The following RYR2 variants were observed in gnomAD, a reference collection of about 807,000 sequenced individuals.
RYR2 encodes the protein ryanodine receptor 2.
Under a neutral mutation model 601.1 loss-of-function variants are expected in RYR2, and 227 were observed. That is an observed-to-expected ratio of 0.38 (90% CI 0.34 to 0.42). The LOEUF is 0.42. Ranked by LOEUF, RYR2 falls within the 10% of genes least tolerant of loss-of-function variation. The pLI is 1.00. For synonymous variants in RYR2, 2,223 were observed against 2,175.1 expected (o/e 1.02, Z -0.61); for missense variants, 4,646 against 6,156.5 (o/e 0.75, Z 8.21).
chr1:237,479,518 A>T lies in RYR2; in HGVS notation c.1708+10331A>T, dbSNP rs1572514880. 2.1e-5 allele frequency among the ~76,000 whole-genome samples: 2 copies of T among 96,254 alleles called. 1 individual carries two copies. Among genetic ancestry groups the T allele is most frequent in the Admixed American group, 1.8e-4 (2 of 11,280 alleles). 63.1% of individuals were successfully genotyped at this position (96,254 alleles called of 152,430 possible). On this transcript the variant is annotated intron_variant, in intron 17 of 104. Transcript: ENST00000366574. Reference sequence around the variant, plus strand: ...CTATGCTCAGTTTACATTTCTGCCCAAAATGATAGCTCTCAATAAATATTT... The same window carrying T: ...CTATGCTCAGTTTACATTTCTGCCCTAAATGATAGCTCTCAATAAATATTT...
At chr1:237,709,890 G>T (rs941870412) in intron 70 of RYR2, among the ~76,000 whole-genome samples, 1 of 152,062 alleles carries the variant, frequency 6.6e-6, no homozygotes, top group Non-Finnish European at 1.5e-5. Context: ...AGTTTGAGAC[G>T]TGCTTAAATA....
chr1:237,562,688 T>C (rs1671575337), intron 27 of RYR2, among the ~76,000 whole-genome samples: 1 of 152,240 alleles, frequency 6.6e-6, no homozygotes. Context: ...ATTATTATTA[T>C]ATTCATTATA....
intron 39 of RYR2, among the ~76,000 whole-genome samples, chr1:237,624,738 T>C (rs879359441): frequency 1.2e-4 from 19 of 152,222 alleles, no homozygotes; most frequent in Non-Finnish European, 1.9e-4. Context: ...TTAGGTATTC[T>C]GGACGTGTGT....
At chr1:237,739,378 G>A (rs1053860377) in intron 79 of RYR2, among the ~76,000 whole-genome samples, 4 of 152,102 alleles carry the variant, frequency 2.6e-5, no homozygotes, top group Admixed American at 6.5e-5. Context: ...TACCCTGCTC[G>A]ATTCCTTAGA....
chr1:237,598,081 A>G (rs138717055), intron 34 of RYR2, among the ~76,000 whole-genome samples: 1 of 152,374 alleles, frequency 6.6e-6, no homozygotes, highest in Non-Finnish European at 1.5e-5. Flanking sequence ...GAGTCAAAGA[A>G]GGTCATTAAT....
At chr1:237,601,465 C>T (rs889789211) in intron 34 of RYR2, among the ~76,000 whole-genome samples, 1 of 151,972 alleles carries the variant, frequency 6.6e-6, no homozygotes, top group Non-Finnish European at 1.5e-5. Context: ...GAGCAGATAC[C>T]CAATGGGTAT....
chr1:237,813,752 A>T (rs998146465), intron 100 of RYR2, among the ~76,000 whole-genome samples: 5 of 152,068 alleles, frequency 3.3e-5, no homozygotes, highest in Non-Finnish European at 5.9e-5. Flanking sequence ...TAGAGCCTAG[A>T]TTTTTTTCAG....
intron 12 of RYR2, among the ~76,000 whole-genome samples, chr1:237,425,774 C>T (rs1043598726): frequency 1.3e-5 from 2 of 151,946 alleles, no homozygotes. Context: ...GTCTTGTTGT[C>T]TTAGGGGTGG....
At chr1:237,529,760 T>TACACACAC (rs71561882) in intron 24 of RYR2, among the ~76,000 whole-genome samples, 8,413 of 134,438 alleles carry the variant, frequency 0.063, 337 homozygotes, top group East Asian at 0.082. Flanking sequence ...AATAATATCA[T>TACACACAC]ACACACACAC....
intron 64 of RYR2, 59 bp from the exon 65 acceptor site, chr1:237,700,170 C>T (rs961185974): frequency 9.6e-6 from 10 of 1,040,812 alleles, no homozygotes; most frequent in Non-Finnish European, 1.4e-5. Flanking sequence ...AACCACAATT[C>T]ATTTATATTT....
chr1:237,654,660 A>G (rs1166843805), intron 52 of RYR2, among the ~76,000 whole-genome samples: 1 of 152,226 alleles, frequency 6.6e-6, no homozygotes, highest in Non-Finnish European at 1.5e-5. Context: ...TAAGCAGTTC[A>G]GGAAATTATG....
At chr1:237,550,387 G>T (rs13373910) in intron 26 of RYR2, among the ~76,000 whole-genome samples, 157 bp from the exon 27 acceptor site, 1 of 152,076 alleles carries the variant, frequency 6.6e-6, no homozygotes, top group African/African-American at 2.4e-5. Flanking sequence ...CCTGTATATT[G>T]ATAGTGTTTT....
chr1:237,822,431 G>A (rs562803494), intron 101 of RYR2, among the ~76,000 whole-genome samples: 1 of 152,276 alleles, frequency 6.6e-6, no homozygotes, highest in African/African-American at 2.4e-5. Flanking sequence ...GCCAAACTAA[G>A]CTTCAAAAGC....
chr1:237,776,824 C>A (rs149132078), intron 87 of RYR2, among the ~76,000 whole-genome samples: 2 of 152,066 alleles, frequency 1.3e-5, no homozygotes, highest in African/African-American at 4.8e-5. Flanking sequence ...ATCTAACGTG[C>A]GAGCCTGGCC....
intron 4 of RYR2, among the ~76,000 whole-genome samples, chr1:237,358,695 G>A (rs1699514276): frequency 1.3e-5 from 2 of 151,954 alleles, no homozygotes; most frequent in South Asian, 4.2e-4. Flanking sequence ...CTTGTTGGCA[G>A]TGTGGTCACT....
Position 237,481,829 on chromosome 1 carries a change from AAAAAAAC to A in RYR2, c.1709-9976_1709-9970del, listed in dbSNP as rs1439923082. Among the ~76,000 whole-genome samples, 899 of 149,816 alleles carry A rather than the reference AAAAAAAC, an allele frequency of 6.0e-3. 16 individuals carry two copies. Among genetic ancestry groups the A allele is most frequent in the African/African-American group, 0.021 (849 of 40,278 alleles). On this transcript the variant is annotated intron_variant, in intron 17 of 104. Transcript: ENST00000366574. ...TGTAGCAAAAAAAAAAAAAAAAAAAAAAAAAACCACCTCCCAAACTCCTTGGATCTTG... is the reference window on the plus strand; with the variant it reads ...TGTAGCAAAAAAAAAAAAAAAAAAAACACCTCCCAAACTCCTTGGATCTTG...
Position 237,666,540 on chromosome 1 carries a change from G to C in RYR2, c.8465G>C (p.Ser2822Thr). The C allele has an allele frequency of 6.2e-7, 1 of 1,612,692 alleles. No homozygotes were observed. Among genetic ancestry groups the C allele is most frequent in the Non-Finnish European group, 8.5e-7 (1 of 1,179,428 alleles). Residue 2822 changes from serine to threonine, a missense_variant, in exon 57 of 105, where the codon AGT (serine) becomes ACT (threonine). By Grantham distance (58) the Ser-to-Thr change is moderately conservative. Around this residue, in one of 17 missense-constraint regions of RYR2, gnomAD observed 1,497 missense variants for 1,842.6 expected, o/e 0.81. Transcript: ENST00000366574. ...TCTGTGGACGCTGCCCATGGTTACA[G>C]TCCCCGGGCCATTGACATGAGCAAT... ...QVSVDAAHGY[S>T]PRAIDMSNVT...
At chr1:237,147,220 G>A (rs1396066452) in intron 1 of RYR2, among the ~76,000 whole-genome samples, 1 of 150,316 alleles carries the variant, frequency 6.7e-6, no homozygotes, top group African/African-American at 2.5e-5. Context: ...CTTTTTAATT[G>A]ACAAATTAAA....
chr1:237,409,525 T>C (rs1704233862), intron 10 of RYR2, among the ~76,000 whole-genome samples: 1 of 152,136 alleles, frequency 6.6e-6, no homozygotes, highest in Admixed American at 6.5e-5. Context: ...TTTGCTATCA[T>C]ACTTGTATTC....
Sources: allele counts gnomAD v4.1 joint callset (sites outside exome capture counted in the v4.1 genomes callset), GRCh38; gene constraint gnomAD v4.1.1; regional missense constraint gnomAD v4.1.1; transcripts MANE v1.5; gene names NCBI Gene and HGNC (gene_info 2026-07-23, HGNC 2026-07-21).